The following ZC3H12D variants were observed in gnomAD, a reference collection of about 807,000 sequenced individuals.
The protein encoded by ZC3H12D is zinc finger CCCH-type containing 12D.
In ZC3H12D, 11 loss-of-function variants were observed where a neutral mutation model predicts 24.2. That is an observed-to-expected ratio of 0.46 (90% confidence interval 0.29 to 0.75). The LOEUF (loss-of-function observed/expected upper bound fraction) is 0.75. ZC3H12D is among the 30% of genes least tolerant of loss of function. The pLI is 0.11. For missense variants in ZC3H12D, 740 were observed against 767.7 expected (o/e 0.96, Z 0.43); for synonymous variants, 333 against 341.8 (o/e 0.97, Z 0.28).
intron 1 of ZC3H12D, among the ~76,000 whole-genome samples, chr6:149,481,350 A>G (rs1776422284): frequency 6.6e-6 from 1 of 151,692 alleles, no homozygotes; most frequent in Admixed American, 6.6e-5. Context: ...ACAGGAACAG[A>G]AAAGTTCACC....
At chr6:149,478,546 C>G (rs1272249418) in intron 1 of ZC3H12D, among the ~76,000 whole-genome samples, 1 of 152,096 alleles carries the variant, frequency 6.6e-6, no homozygotes, top group Non-Finnish European at 1.5e-5. Flanking sequence ...TAGATAGAAT[C>G]CACATAAACA....
chr6:149,483,525 TTCTG>T (rs1776456059), intron 1 of ZC3H12D, among the ~76,000 whole-genome samples: 1 of 152,150 alleles, frequency 6.6e-6, no homozygotes, highest in Admixed American at 6.5e-5. Flanking sequence ...CCATTGTACG[TTCTG>T]TCTCAATAAA....
intron 3 of ZC3H12D, among the ~76,000 whole-genome samples, chr6:149,460,325 T>G (rs373596): frequency 0.36 from 55,262 of 152,030 alleles, 10,563 homozygotes; most frequent in African/African-American, 0.46. Context: ...AAAACACTTC[T>G]GCTCCCAAGT....
At position 149,448,647 on chromosome 6, in the gene ZC3H12D, T is replaced by A. The variant is rs901678894; in HGVS notation, c.*2036A>T. 2.6e-5 allele frequency: 4 copies of A among 152,198 alleles called. No individual in the cohort carries two copies. The highest frequency in any genetic ancestry group is 5.9e-5 in the Non-Finnish European group (4 of 68,042). 9.4% of individuals were successfully genotyped at this position (152,198 alleles called of 1,614,324 possible). A position where few individuals can be genotyped will look rare whatever the true frequency, so the allele number is the denominator to read the frequency against. ...TCAGGCCTGAGATCCCAATATGTTA[T>A]GGTAAAATTGTGGGTGCACCGTCCT... is the stretch of plus-strand genomic sequence containing the variant. On this transcript the variant is annotated 3_prime_UTR_variant, in exon 6 of 6. Coordinates refer to ENST00000409806, the MANE Select transcript of ZC3H12D (RefSeq NM_207360.3).
intron 4 of ZC3H12D, among the ~76,000 whole-genome samples, chr6:149,454,153 C>T (rs537318303): frequency 6.6e-6 from 1 of 152,340 alleles, no homozygotes; most frequent in African/African-American, 2.4e-5. Context: ...CTGCCCTGCC[C>T]CTGATCTGCC....
chr6:149,450,528 C>T lies in ZC3H12D; in HGVS notation c.*155G>A, dbSNP rs368031027. The T allele has an allele frequency of 4.8e-6, 4 of 827,986 alleles. No homozygotes were observed. Among genetic ancestry groups the T allele is most frequent in the Admixed American group, 3.2e-5 (1 of 31,618 alleles). The allele number at this position is 827,986 out of a possible 1,614,324, so 51.3% of individuals were successfully genotyped here. A position where few individuals can be genotyped will look rare whatever the true frequency, so the allele number is the denominator to read the frequency against. Reference sequence around the variant, plus strand: ...CCAAGTGCCACCAGGCCCCCACAACCCCGCTCAGGAGGAGGAAGCAGGCTT... The same window carrying T: ...CCAAGTGCCACCAGGCCCCCACAACTCCGCTCAGGAGGAGGAAGCAGGCTT... On this transcript the variant is annotated 3_prime_UTR_variant, in exon 6 of 6. Transcript: ENST00000409806.
intron 2 of ZC3H12D, 25 bp from the exon 3 acceptor site, chr6:149,461,995 A>G (rs757565755): frequency 1.2e-5 from 19 of 1,601,908 alleles, no homozygotes; most frequent in Non-Finnish European, 1.6e-5. Context: ...CAAAGAAATC[A>G]TAGAGACACA....
chr6:149,463,096 C>G (rs1776101252), intron 2 of ZC3H12D, among the ~76,000 whole-genome samples: 1 of 152,316 alleles, frequency 6.6e-6, no homozygotes, highest in East Asian at 1.9e-4. Flanking sequence ...TGAGGACTAA[C>G]AGACAAGACC....
At position 149,456,849 on chromosome 6, in the gene ZC3H12D, G is replaced by A; in HGVS notation, c.497C>T (p.Pro166Leu). ...LERQAVLVYT[P>L]SRKVHGKRLV... ...GCGCTTGCCGTGCACCTTGCGGGAC[G>A]GCGTGTACACCAGCACCGCCTGCCG... Residue 166 changes from proline (P) to leucine (L), a missense_variant, in exon 4 of 6, where the codon CCG becomes CTG. By Grantham distance (98) the Pro-to-Leu change is moderately conservative. Transcript: ENST00000409806. The surrounding 1 kb of genome is among the most constrained non-coding windows in gnomAD (Gnocchi z 4.3). 2 of 1,608,956 alleles carry A rather than the reference G, an allele frequency of 1.2e-6. No individual in the cohort carries two copies. The highest frequency in any genetic ancestry group is 1.7e-6 in the Non-Finnish European group (2 of 1,179,670).
Position 149,456,922 on chromosome 6 carries a change from C to G in ZC3H12D, c.446-22G>C. The G allele has an allele frequency of 1.3e-6, 2 of 1,586,682 alleles. No homozygotes were observed. The highest frequency in any genetic ancestry group is 1.7e-6 in the Non-Finnish European group (2 of 1,169,972). On this transcript the variant is annotated intron_variant, in intron 3 of 5. Transcript: ENST00000409806. The surrounding 1 kb of genome is among the most constrained non-coding windows in gnomAD (Gnocchi z 4.3). ...TGCTCTGAGGGCGGGGCGACGGAGA[C>G]GCGGGTGAGGGCCCAAGGGCACCGC...
chr6:149,476,973 A>G (rs1006296973), intron 1 of ZC3H12D, among the ~76,000 whole-genome samples: 3 of 152,250 alleles, frequency 2.0e-5, no homozygotes, highest in African/African-American at 7.2e-5. Flanking sequence ...TGAATGAATG[A>G]GTGAATACGT....
intron 3 of ZC3H12D, chr6:149,459,532 G>A: frequency 1.4e-6 from 1 of 714,296 alleles, no homozygotes; most frequent in South Asian, 1.5e-5. Flanking sequence ...GGAGGTGGGA[G>A]CCATTGCCCT....
At chr6:149,453,738 T>C (rs1775937555) in intron 4 of ZC3H12D, among the ~76,000 whole-genome samples, 1 of 152,182 alleles carries the variant, frequency 6.6e-6, no homozygotes, top group Non-Finnish European at 1.5e-5. Flanking sequence ...GAAACCTCTA[T>C]GAGGTTAACA....
intron 1 of ZC3H12D, among the ~76,000 whole-genome samples, chr6:149,481,344 G>C (rs1290287133): frequency 6.6e-6 from 1 of 151,402 alleles, no homozygotes; most frequent in Admixed American, 6.6e-5. Flanking sequence ...CAGGAGACAG[G>C]AACAGAAAAG....
rs1775980559 is a variant in ZC3H12D at position 149,456,458 on chromosome 6, G to T, written c.680+208C>A. Among the ~76,000 whole-genome samples the T allele has an allele frequency of 6.6e-6, 1 of 151,944 alleles. No individual in the cohort carries two copies. The highest frequency in any genetic ancestry group is 2.1e-4 in the South Asian group (1 of 4,788). ...GGCTTCTCTGTGGTGTGTCAGATGT[G>T]GCCCTGGGAACAGCAAGGTCAGAGC... On this transcript the variant is annotated intron_variant, in intron 4 of 5. Coordinates refer to ENST00000409806, the MANE Select transcript of ZC3H12D (RefSeq NM_207360.3). The surrounding 1 kb of genome is among the most constrained non-coding windows in gnomAD (Gnocchi z 4.3).
intron 5 of ZC3H12D, 70 bp from the exon 6 acceptor site, chr6:149,451,549 G>A (rs1007388555): frequency 2.2e-6 from 3 of 1,361,782 alleles, no homozygotes; most frequent in Non-Finnish European, 2.9e-6. Context: ...GGTTCCTGGT[G>A]CATCCGGGGA....
At position 149,456,637 on chromosome 6, in the gene ZC3H12D, CAGGGTGT is replaced by C; in HGVS notation, c.680+22_680+28del. The C allele has an allele frequency of 6.4e-7, 1 of 1,554,888 alleles. No homozygotes were observed. On this transcript the variant is annotated intron_variant, in intron 4 of 5. Transcript: ENST00000409806. The surrounding 1 kb of genome is among the most constrained non-coding windows in gnomAD (Gnocchi z 4.3). ...CCCGGCCCCCCGCCCCGCCGCCCCC[CAGGGTGT>C]CAGGACCCCAGCCGGACCTACCGGT...
At chr6:149,479,509 C>A (rs192928308) in intron 1 of ZC3H12D, among the ~76,000 whole-genome samples, 1 of 152,152 alleles carries the variant, frequency 6.6e-6, no homozygotes, top group Non-Finnish European at 1.5e-5. Context: ...AGAGCAGTCA[C>A]CCCGGAGCCT....
chr6:149,451,960 C>T (rs1216090770), intron 5 of ZC3H12D, among the ~76,000 whole-genome samples: 1 of 152,264 alleles, frequency 6.6e-6, no homozygotes, highest in Non-Finnish European at 1.5e-5. Flanking sequence ...CGCTTGCCCT[C>T]ACCCTGCACG....
Sources: allele counts gnomAD v4.1 joint callset (sites outside exome capture counted in the v4.1 genomes callset), GRCh38; gene constraint gnomAD v4.1.1; non-coding constraint Gnocchi (gnomAD v3.1); transcripts MANE v1.5; gene names NCBI Gene and HGNC (gene_info 2026-07-23, HGNC 2026-07-21).